Variants in ADK observed in about 807,000 individuals in gnomAD.
ADK encodes N6,N6-dimethyladenosine kinase.
Under a neutral mutation model 44.7 loss-of-function variants are expected in ADK, and 24 were observed. That is an observed-to-expected ratio of 0.54 (90% CI 0.39 to 0.76). The LOEUF (loss-of-function observed/expected upper bound fraction) is 0.76, where lower values mean the gene tolerates loss of function less well. Ranked by LOEUF, ADK falls within the 30% of genes least tolerant of loss-of-function variation. The pLI, the probability that ADK is intolerant of heterozygous loss-of-function variation, is 0.00. For synonymous variants in ADK, 128 were observed against 142.6 expected (o/e 0.90, Z 0.73); for missense variants, 321 against 425.1 (o/e 0.76, Z 2.15).
At chr10:74,483,547 C>T (rs914267582) in intron 6 of ADK, among the ~76,000 whole-genome samples, 1 of 152,188 alleles carries the variant, frequency 6.6e-6, no homozygotes, top group Admixed American at 6.5e-5. Flanking sequence ...CTCTTTTCTA[C>T]CACACGGTCA....
At chr10:74,484,086 C>T (rs77609295) in intron 6 of ADK, among the ~76,000 whole-genome samples, 591 of 152,238 alleles carry the variant, frequency 3.9e-3, no homozygotes, top group Non-Finnish European at 5.9e-3. Context: ...AGTTTGTTCT[C>T]GTACTGCTAT....
chr10:74,348,123 C>T lies in ADK; in HGVS notation c.273+33378C>T, dbSNP rs977690355. 5.3e-5 allele frequency among the ~76,000 whole-genome samples: 8 copies of T among 152,268 alleles called. No homozygotes were observed. The South Asian group carries it at 1.0e-3, about 20-fold the overall frequency. On this transcript the variant is annotated intron_variant, in intron 4 of 10. Coordinates refer to ENST00000539909, the MANE Select transcript of ADK (RefSeq NM_006721.4). The stretch of plus-strand genomic sequence containing the variant: ...CTCCTCAAGTGAGTTGAGGAGACTC[C>T]GTGCCTTCTCACTGGGAGAGAACTG...
intron 7 of ADK, among the ~76,000 whole-genome samples, chr10:74,558,783 G>C (rs1850355438): frequency 6.6e-6 from 1 of 152,196 alleles, no homozygotes. Context: ...ACTTCTGGAA[G>C]CTAGAAAGGC....
chr10:74,699,227 A>C (rs1273282097), intron 10 of ADK, among the ~76,000 whole-genome samples: 1 of 147,740 alleles, frequency 6.8e-6, no homozygotes, highest in Admixed American at 6.9e-5. Context: ...CTGGGGCCTG[A>C]GGCTGTGTTT....
intron 2 of ADK, among the ~76,000 whole-genome samples, chr10:74,223,224 G>C (rs11000930): frequency 0.095 from 14,447 of 152,112 alleles, 825 homozygotes; most frequent in Middle Eastern, 0.16. Context: ...CACATGGCAA[G>C]GGGCCTGAAC....
At chr10:74,317,332 C>T (rs1430971548) in intron 4 of ADK, among the ~76,000 whole-genome samples, 2 of 152,098 alleles carry the variant, frequency 1.3e-5, no homozygotes, top group Non-Finnish European at 2.9e-5. Context: ...GTATAACTTG[C>T]TTAAGTTTGA....
intron 7 of ADK, among the ~76,000 whole-genome samples, chr10:74,535,585 T>G (rs1041978800): frequency 1.3e-5 from 2 of 150,504 alleles, no homozygotes; most frequent in African/African-American, 2.4e-5. Flanking sequence ...ACCCTATTTT[T>G]TTTTTTTTTT....
chr10:74,258,005 A>G (rs1845891549), intron 3 of ADK, among the ~76,000 whole-genome samples: 2 of 152,226 alleles, frequency 1.3e-5, no homozygotes, highest in Non-Finnish European at 1.5e-5. Flanking sequence ...TGCAGACACT[A>G]CTTCTGTGTT....
chr10:74,482,364 GA>G (rs1847105105), intron 6 of ADK, among the ~76,000 whole-genome samples: 1 of 152,194 alleles, frequency 6.6e-6, no homozygotes, highest in Non-Finnish European at 1.5e-5. Flanking sequence ...ACAGCAAGGG[GA>G]AAAATCCACC....
chr10:74,329,621 C>A (rs991107392), intron 4 of ADK, among the ~76,000 whole-genome samples: 1 of 152,000 alleles, frequency 6.6e-6, no homozygotes, highest in African/African-American at 2.4e-5. Context: ...GTTAGGTGAC[C>A]ACTGGGAAAC....
intron 4 of ADK, among the ~76,000 whole-genome samples, chr10:74,319,406 G>A (rs1840737097): frequency 6.6e-6 from 1 of 152,122 alleles, no homozygotes; most frequent in Admixed American, 6.5e-5. Context: ...TCTTTGCGTG[G>A]TGGTTTCTGT....
At chr10:74,301,553 T>G (rs1840032918) in intron 3 of ADK, among the ~76,000 whole-genome samples, 1 of 150,864 alleles carries the variant, frequency 6.6e-6, no homozygotes, top group Admixed American at 6.6e-5. Flanking sequence ...AAACACCAAT[T>G]AAATGAAATG....
At chr10:74,650,528 T>C (rs1190339194) in intron 9 of ADK, among the ~76,000 whole-genome samples, 1 of 152,216 alleles carries the variant, frequency 6.6e-6, no homozygotes. Context: ...AACTGATATC[T>C]GGGCTGGGAG....
intron 4 of ADK, among the ~76,000 whole-genome samples, chr10:74,352,535 C>T (rs1017420471): frequency 2.0e-5 from 3 of 152,218 alleles, no homozygotes; most frequent in African/African-American, 7.2e-5. Flanking sequence ...ATGACTAAAA[C>T]ACCCAATGCA....
chr10:74,349,898 C>G (rs908152751), intron 4 of ADK, among the ~76,000 whole-genome samples: 2 of 152,090 alleles, frequency 1.3e-5, no homozygotes, highest in African/African-American at 4.8e-5. Flanking sequence ...TACAGGAGCA[C>G]CCAGATTCAT....
At chr10:74,398,691 A>C (rs984190570) in intron 6 of ADK, 112 bp downstream of exon 6, 2 of 599,780 alleles carry the variant, frequency 3.3e-6, no homozygotes, top group Admixed American at 3.0e-5. Flanking sequence ...CAAATTATTT[A>C]TCTCTCTCAA....
intron 6 of ADK, among the ~76,000 whole-genome samples, chr10:74,436,780 T>C (rs955659232): frequency 4.6e-5 from 7 of 152,132 alleles, no homozygotes; most frequent in Non-Finnish European, 2.9e-5. Flanking sequence ...CAGCCTTAAA[T>C]GTAAAACGAT....
chr10:74,502,270 C>G (rs1335551024), intron 6 of ADK, among the ~76,000 whole-genome samples: 1 of 151,782 alleles, frequency 6.6e-6, no homozygotes, highest in Admixed American at 6.6e-5. Flanking sequence ...GAACATACTA[C>G]AAGTGTTAGT....
chr10:74,304,614 C>T (rs1362672086), intron 3 of ADK, among the ~76,000 whole-genome samples: 1 of 151,968 alleles, frequency 6.6e-6, no homozygotes, highest in African/African-American at 2.4e-5. Context: ...TAAAATTGTG[C>T]TTGTAACAGG....
Sources: gnomAD v4.1 joint callset for allele counts (sites outside exome capture counted in the v4.1 genomes callset) on GRCh38, gnomAD v4.1.1 for gene constraint, MANE v1.5 for transcripts, NCBI Gene and HGNC (gene_info 2026-07-23, HGNC 2026-07-21) for gene names.